BTG4: variants seen among roughly 807,000 people sequenced by gnomAD.
BTG4 encodes the protein protein BTG4.
Under a neutral mutation model 19.3 loss-of-function variants are expected in BTG4, and 10 were observed. The ratio of observed to expected loss-of-function variants is 0.52; its 90% confidence interval spans 0.32 to 0.88. The LOEUF (loss-of-function observed/expected upper bound fraction) is 0.88. Among genes scored for constraint, BTG4 ranks in the 40% least tolerant of loss-of-function variants. BTG4 has a pLI of 0.04. For missense variants in BTG4, 238 were observed against 281.9 expected (o/e 0.84, Z 1.11); for synonymous variants, 91 against 95.7 (o/e 0.95, Z 0.29).
intron 5 of BTG4, among the ~76,000 whole-genome samples, chr11:111,488,815 T>C (rs1865221262): frequency 6.6e-6 from 1 of 152,158 alleles, no homozygotes. Context: ...TTTGTTTTTA[T>C]TTGGCTCAGA....
At chr11:111,404,448 C>T in the BTG4 span, among the ~76,000 whole-genome samples, 1 of 152,172 alleles carries the variant, frequency 6.6e-6, no homozygotes, top group Non-Finnish European at 1.5e-5. Context: ...CCTGAAGCAA[C>T]CTAAGCATCT....
chr11:111,421,191 G>A, the BTG4 span, among the ~76,000 whole-genome samples: 1 of 152,182 alleles, frequency 6.6e-6, no homozygotes, highest in Admixed American at 6.5e-5. Flanking sequence ...CTCATATAGG[G>A]CCTCGTAGAC....
At chr11:111,455,937 C>A in the BTG4 span, 1 of 406,946 alleles carries the variant, frequency 2.5e-6, no homozygotes, top group South Asian at 1.7e-5. Flanking sequence ...TGAATCAGGG[C>A]AACTAGCCCT....
intron 3 of BTG4, 37 bp downstream of exon 3, chr11:111,497,961 A>G (rs1865839484): frequency 1.3e-6 from 2 of 1,595,506 alleles, no homozygotes; most frequent in Non-Finnish European, 1.7e-6. Flanking sequence ...TAAGGTTTCC[A>G]GGTATCACAC....
the BTG4 span, among the ~76,000 whole-genome samples, chr11:111,446,364 C>T: frequency 2.6e-5 from 4 of 152,080 alleles, no homozygotes; most frequent in Admixed American, 2.6e-4. Flanking sequence ...TACCAAAAAG[C>T]GTGGTGCATA....
chr11:111,437,964 C>A, the BTG4 span, among the ~76,000 whole-genome samples: 2 of 152,180 alleles, frequency 1.3e-5, no homozygotes, highest in Non-Finnish European at 2.9e-5. Flanking sequence ...AGGCCCATAG[C>A]CCCCCAAGCA....
chr11:111,427,287 G>C, the BTG4 span, among the ~76,000 whole-genome samples: 4 of 152,136 alleles, frequency 2.6e-5, no homozygotes, highest in East Asian at 7.7e-4. Context: ...CCACATCACA[G>C]ACCTCTCTGA....
At chr11:111,455,447 C>T in the BTG4 span, 6 of 237,074 alleles carry the variant, frequency 2.5e-5, no homozygotes, top group South Asian at 5.6e-5. Context: ...ACCTGGCAGG[C>T]GAGTACGCAG....
At chr11:111,502,117 C>T (rs1866122887) in intron 1 of BTG4, among the ~76,000 whole-genome samples, 1 of 151,952 alleles carries the variant, frequency 6.6e-6, no homozygotes, top group Non-Finnish European at 1.5e-5. Context: ...CAATGTCTGC[C>T]TCCTATCCCT....
chr11:111,419,028 C>T, the BTG4 span, among the ~76,000 whole-genome samples: 1 of 152,206 alleles, frequency 6.6e-6, no homozygotes, highest in Non-Finnish European at 1.5e-5. Context: ...ATGGTCTTCC[C>T]TCTATACCTA....
At chr11:111,415,444 TTTC>T in the BTG4 span, among the ~76,000 whole-genome samples, 246 of 152,256 alleles carry the variant, frequency 1.6e-3, no homozygotes, top group African/African-American at 5.6e-3. Context: ...GAATTGGAGA[TTTC>T]TTCTTCTATT....
the BTG4 span, among the ~76,000 whole-genome samples, chr11:111,443,882 G>A: frequency 7.2e-5 from 11 of 152,300 alleles, no homozygotes; most frequent in South Asian, 4.1e-4. Flanking sequence ...GCTCGAGGAC[G>A]CTTAGCAACA....
chr11:111,437,477 C>T, the BTG4 span, among the ~76,000 whole-genome samples: 1 of 152,186 alleles, frequency 6.6e-6, no homozygotes, highest in Admixed American at 6.5e-5. Flanking sequence ...TATTGTTTCT[C>T]ATTCCCAAAT....
At chr11:111,481,570 C>T (rs923378031) in intron 5 of BTG4, among the ~76,000 whole-genome samples, 2 of 151,480 alleles carry the variant, frequency 1.3e-5, no homozygotes, top group Non-Finnish European at 3.0e-5. Flanking sequence ...AATGTAAAAA[C>T]CCTTGAAATA....
chr11:111,436,699 T>G, the BTG4 span, among the ~76,000 whole-genome samples: 1 of 150,366 alleles, frequency 6.7e-6, no homozygotes, highest in Non-Finnish European at 1.5e-5. Flanking sequence ...CAGACATGGG[T>G]GCAGACCGTA....
intron 5 of BTG4, among the ~76,000 whole-genome samples, chr11:111,469,003 G>T (rs1195168119): frequency 2.6e-5 from 4 of 152,210 alleles, no homozygotes; most frequent in African/African-American, 9.6e-5. Context: ...GGGAGACAGT[G>T]GAGCAAATGA....
the BTG4 span, among the ~76,000 whole-genome samples, chr11:111,452,204 C>T: frequency 6.6e-6 from 1 of 152,238 alleles, no homozygotes; most frequent in African/African-American, 2.4e-5. Flanking sequence ...ATGCACACAG[C>T]TCCCTCATAC....
At chr11:111,410,958 T>A in the BTG4 span, among the ~76,000 whole-genome samples, 1 of 152,182 alleles carries the variant, frequency 6.6e-6, no homozygotes, top group South Asian at 2.1e-4. Context: ...TCAAAATATG[T>A]CTAATATACA....
the BTG4 span, among the ~76,000 whole-genome samples, chr11:111,458,825 G>A: frequency 6.6e-6 from 1 of 152,122 alleles, no homozygotes; most frequent in Non-Finnish European, 1.5e-5. Context: ...AAAAGAACCA[G>A]GTCAGAATTG....
Sources: allele counts gnomAD v4.1 joint callset (sites outside exome capture counted in the v4.1 genomes callset), GRCh38; gene constraint gnomAD v4.1.1; transcripts MANE v1.5; gene names NCBI Gene and HGNC (gene_info 2026-07-23, HGNC 2026-07-21).